Variants in PCDH11X observed in about 807,000 individuals in gnomAD.
PCDH11X encodes protocadherin 11 X-linked.
A neutral mutation model predicts 53.3 loss-of-function variants in PCDH11X; 18 were observed. The observed-to-expected ratio is 0.34, with a 90% CI of 0.23 to 0.50. The LOEUF is 0.50. Among genes scored for constraint, PCDH11X ranks in the 20% least tolerant of loss-of-function variants. PCDH11X has a pLI of 0.98. For synonymous variants in PCDH11X, 279 were observed against 393.3 expected (o/e 0.71, Z 3.44); for missense variants, 570 against 1,032.4 (o/e 0.55, Z 6.14).
chrX:92,385,645 G>C (rs971632263), intron 8 of PCDH11X, among the ~76,000 whole-genome samples: 1 of 110,077 alleles, frequency 9.1e-6, no homozygotes, highest in Admixed American at 9.8e-5. Flanking sequence ...ACCAGCCTGG[G>C]CAACATGGTG....
intron 6 of PCDH11X, among the ~76,000 whole-genome samples, chrX:92,045,677 C>T (rs1232623791): frequency 1.9e-5 from 2 of 103,692 alleles, no homozygotes; most frequent in Admixed American, 1.1e-4. Flanking sequence ...TGGTGGCTCA[C>T]GCCTGTAATC....
At chrX:92,086,806 A>G (rs188408786) in intron 6 of PCDH11X, among the ~76,000 whole-genome samples, 2 of 111,244 alleles carry the variant, frequency 1.8e-5, no homozygotes, top group African/African-American at 6.5e-5. Context: ...AGGCACACAC[A>G]ATACTTTTGA....
chrX:92,569,039 G>A (rs933472665), intron 10 of PCDH11X, among the ~76,000 whole-genome samples: 5 of 111,027 alleles, frequency 4.5e-5, no homozygotes, highest in Non-Finnish European at 7.6e-5. Flanking sequence ...TATATTTCTG[G>A]TTCATTATTG....
chrX:91,974,179 A>C, intron 6 of PCDH11X, among the ~76,000 whole-genome samples: 1 of 111,272 alleles, frequency 9.0e-6, no homozygotes. Flanking sequence ...ATTTTTATTA[A>C]TTGTAGATAA....
At chrX:92,216,520 C>G (rs1305855409) in intron 7 of PCDH11X, among the ~76,000 whole-genome samples, 1 of 107,292 alleles carries the variant, frequency 9.3e-6, no homozygotes, top group Non-Finnish European at 1.9e-5. Flanking sequence ...TAAAAAAAAA[C>G]GAACAAAGCC....
At chrX:92,104,080 G>C (rs1466921424) in intron 6 of PCDH11X, among the ~76,000 whole-genome samples, 2 of 111,239 alleles carry the variant, frequency 1.8e-5, no homozygotes, top group Admixed American at 1.9e-4. Context: ...ATCTGATTTG[G>C]GATAAAGAAA....
intron 8 of PCDH11X, among the ~76,000 whole-genome samples, chrX:92,312,379 G>A (rs1407276650): frequency 9.1e-6 from 1 of 110,382 alleles, no homozygotes; most frequent in Non-Finnish European, 1.9e-5. Context: ...ATTAGCATAT[G>A]TGTTCCTTAT....
chrX:92,430,466 A>C (rs779138995), intron 9 of PCDH11X, among the ~76,000 whole-genome samples: 1 of 91,691 alleles, frequency 1.1e-5, no homozygotes, highest in East Asian at 2.9e-4. Context: ...AGGGTGAGCT[A>C]CCTTGGCCAA....
At chrX:92,532,598 G>C (rs1213896795) in intron 10 of PCDH11X, among the ~76,000 whole-genome samples, 1 of 109,066 alleles carries the variant, frequency 9.2e-6, no homozygotes, top group Non-Finnish European at 1.9e-5. Context: ...ATATTAAAAG[G>C]GATGTAGGAT....
intron 6 of PCDH11X, among the ~76,000 whole-genome samples, chrX:91,890,582 A>G (rs1325012600): frequency 1.8e-5 from 2 of 111,179 alleles, no homozygotes; most frequent in African/African-American, 6.5e-5. Flanking sequence ...AATAAAGACA[A>G]ATTTGTTTTC....
chrX:92,210,593 C>A (rs901545359), intron 7 of PCDH11X, among the ~76,000 whole-genome samples: 18 of 111,263 alleles, frequency 1.6e-4, no homozygotes, highest in African/African-American at 5.6e-4. Flanking sequence ...ATTTTTCAAA[C>A]TTTTATGCTC....
chrX:92,432,452 T>C (rs182683142), intron 9 of PCDH11X, among the ~76,000 whole-genome samples: 10 of 110,686 alleles, frequency 9.0e-5, no homozygotes, highest in African/African-American at 2.9e-4. Context: ...CTCTTCAAAA[T>C]TGAAAAATTT....
intron 7 of PCDH11X, among the ~76,000 whole-genome samples, chrX:92,202,916 A>G (rs1441955391): frequency 1.8e-5 from 2 of 111,059 alleles, no homozygotes; most frequent in East Asian, 5.7e-4. Context: ...CCAGCTACCC[A>G]GGAGGCTGAG....
intron 6 of PCDH11X, among the ~76,000 whole-genome samples, chrX:92,031,870 A>G (rs1602718508): frequency 9.0e-6 from 1 of 111,655 alleles, no homozygotes; most frequent in Non-Finnish European, 1.9e-5. Context: ...AGTGCATGCC[A>G]TTTTTGTTAC....
intron 9 of PCDH11X, among the ~76,000 whole-genome samples, chrX:92,391,468 C>T (rs1256351751): frequency 9.1e-6 from 1 of 110,075 alleles, no homozygotes; most frequent in Non-Finnish European, 1.9e-5. Context: ...CTACTGTAAA[C>T]ACATTAAACT....
At chrX:92,212,209 A>G (rs1238497507) in intron 7 of PCDH11X, among the ~76,000 whole-genome samples, 4 of 110,611 alleles carry the variant, frequency 3.6e-5, no homozygotes, top group Non-Finnish European at 7.6e-5. Flanking sequence ...ATGGGGTTTC[A>G]CCCTGTTGAC....
At chrX:91,888,878 T>C (rs1172282028) in intron 6 of PCDH11X, among the ~76,000 whole-genome samples, 1 of 109,937 alleles carries the variant, frequency 9.1e-6, no homozygotes, top group Non-Finnish European at 1.9e-5. Flanking sequence ...CTTTAAAATG[T>C]ATTTACTTAT....
intron 6 of PCDH11X, among the ~76,000 whole-genome samples, chrX:92,195,781 A>C (rs1215248227): frequency 3.6e-5 from 4 of 111,977 alleles, no homozygotes; most frequent in African/African-American, 1.3e-4. Flanking sequence ...TTGCATACAA[A>C]GCTCAAGACA....
chrX:92,439,284 A>G (rs2072459784), intron 9 of PCDH11X, among the ~76,000 whole-genome samples: 1 of 111,592 alleles, frequency 9.0e-6, no homozygotes, highest in Admixed American at 9.6e-5. Context: ...TTAATCTTAT[A>G]TATTATCCTA....
Sources: gnomAD v4.1 joint callset for allele counts (sites outside exome capture counted in the v4.1 genomes callset) on GRCh38, gnomAD v4.1.1 for gene constraint, MANE v1.5 for transcripts, NCBI Gene and HGNC (gene_info 2026-07-23, HGNC 2026-07-21) for gene names.